The following CCDC196 variants were observed in gnomAD, a reference collection of about 807,000 sequenced individuals.
The protein encoded by CCDC196 is coiled-coil domain containing 196, also known as coiled-coil domain-containing protein 196.
At chr14:66,491,755 A>G (rs1460027816) in intron 7 of CCDC196, 70 bp downstream of exon 7, 4 of 413,000 alleles carry the variant, frequency 9.7e-6, no homozygotes. Flanking sequence ...TTTTAGCTGC[A>G]TATTGTGAAG....
Position 66,491,084 on chromosome 14 carries a change from A to T in CCDC196, c.493A>T (p.Lys165Ter), listed in dbSNP as rs1343253690. Residue 165 changes from lysine to a stop codon, truncating the protein, a stop_gained, in exon 6 of 10, where the codon AAA becomes TAA. Transcript: ENST00000636229. LOFTEE classifies it high-confidence loss of function. ...ESELEKSFAE[K>*]VKEIRKEKQQ... is the part of the protein sequence containing the mutation. ...TGAACTGGAGAAATCATTTGCAGAG[A>T]AAGTGAAGGAGATAAGGAAGGTAGT... 2.4e-6 allele frequency: 1 copy of T among 413,342 alleles called. No individual in the cohort carries two copies. Among genetic ancestry groups the T allele is most frequent in the African/African-American group, 2.1e-5 (1 of 48,624 alleles). The allele number at this position is 413,342 out of a possible 1,614,324, so 25.6% of individuals were successfully genotyped here.
chr14:66,496,291 C>A (rs528048416), intron 8 of CCDC196: 1 of 456,260 alleles, frequency 2.2e-6, no homozygotes, highest in Non-Finnish European at 4.4e-6. Flanking sequence ...AATTCCTCCT[C>A]CCACTGTCCG....
rs1353124105 is a variant in CCDC196 at position 66,486,538 on chromosome 14, G to T, written c.36G>T (p.Leu12=). Residue 12 remains leucine, a synonymous_variant, in exon 1 of 10, where the codon CTG becomes CTT. Coordinates refer to ENST00000636229, the MANE Select transcript of CCDC196 (RefSeq NM_001351576.1). ...GTGCAAACTCTTCAGGATCTTACCT[G>T]CCCTCAGAAATAAGGTGAGTCTTTG... ...TSGANSSGSY[L]PSEIRSSKID... is the part of the protein sequence containing the mutation. 6 of 412,864 alleles carry T rather than the reference G, an allele frequency of 1.5e-5. No homozygotes were observed. In the South Asian group the frequency reaches 7.6e-4, roughly 53 times the overall value. The allele number at this position is 412,864 out of a possible 1,614,324, so 25.6% of individuals were successfully genotyped here.
intron 2 of CCDC196, 115 bp downstream of exon 2, chr14:66,486,924 C>T: frequency 2.5e-6 from 1 of 404,056 alleles, no homozygotes; most frequent in Non-Finnish European, 4.5e-6. Flanking sequence ...AAGGTTTGGA[C>T]ATTCAGCTGT....
At chr14:66,494,292 C>G (rs924017318) in intron 8 of CCDC196, among the ~76,000 whole-genome samples, 1 of 152,092 alleles carries the variant, frequency 6.6e-6, no homozygotes, top group Non-Finnish European at 1.5e-5. Flanking sequence ...TTTGTTTGAG[C>G]CCAAGTGGAT....
intron 2 of CCDC196, among the ~76,000 whole-genome samples, 160 bp downstream of exon 2, chr14:66,486,969 T>C (rs1360187420): frequency 1.3e-5 from 2 of 152,076 alleles, no homozygotes; most frequent in Non-Finnish European, 2.9e-5. Context: ...CAAGTCAGGG[T>C]GACAACAAAT....
chr14:66,489,588 G>T (rs112568147), intron 4 of CCDC196, among the ~76,000 whole-genome samples: 65 of 151,984 alleles, frequency 4.3e-4, no homozygotes, highest in African/African-American at 1.3e-3. Context: ...TATTATTATT[G>T]TATTATTATT....
intron 4 of CCDC196, among the ~76,000 whole-genome samples, chr14:66,489,453 G>C (rs1194207294): frequency 6.6e-6 from 1 of 152,100 alleles, no homozygotes; most frequent in Non-Finnish European, 1.5e-5. Context: ...TCAGGTCTCA[G>C]CTTAAATGTC....
intron 4 of CCDC196, 71 bp downstream of exon 4, chr14:66,489,108 G>A (rs1045671501): frequency 9.7e-6 from 4 of 412,448 alleles, no homozygotes; most frequent in South Asian, 1.3e-4. Context: ...CTTTCCTCTG[G>A]CCCCCATCCT....
intron 4 of CCDC196, 50 bp from the exon 5 acceptor site, chr14:66,490,692 C>A (rs1246739946): frequency 2.5e-6 from 1 of 398,726 alleles, no homozygotes; most frequent in South Asian, 1.3e-4. Flanking sequence ...TTTCCACTTC[C>A]CTCTTTAATT....
At position 66,488,098 on chromosome 14, in the gene CCDC196, C is replaced by A. The variant is rs2057451404; in HGVS notation, c.204-62C>A. 2.7e-5 allele frequency: 11 copies of A among 411,148 alleles called. No individual in the cohort carries two copies. In the East Asian group the frequency reaches 3.9e-4, roughly 15 times the overall value. The allele number at this position is 411,148 out of a possible 1,614,324, so 25.5% of individuals were successfully genotyped here. On this transcript the variant is annotated intron_variant, in intron 2 of 9. Coordinates refer to ENST00000636229, the MANE Select transcript of CCDC196 (RefSeq NM_001351576.1). ...TGGTAGAGTACTTTCTGACTAGTTG[C>A]AGAACATCAGTATTACCCTTAAGGA...
At chr14:66,494,111 C>A (rs1344818680) in intron 8 of CCDC196, among the ~76,000 whole-genome samples, 2 of 152,166 alleles carry the variant, frequency 1.3e-5, no homozygotes, top group African/African-American at 4.8e-5. Context: ...CTTTTCTCTC[C>A]TTTCCTTTTA....
rs2057717741 is a variant in CCDC196, at chr14:66,498,475, G to T, written c.*3G>T. ...CAGATGAAGCACTGAAGAATTAGCA[G>T]GCTTTCGCTCCATTTGCTTTGGACA... On this transcript the variant is annotated 3_prime_UTR_variant, in exon 10 of 10. Transcript: ENST00000636229. 2.4e-6 allele frequency: 1 copy of T among 413,388 alleles called. No homozygotes were observed. The highest frequency in any genetic ancestry group is 4.4e-6 in the Non-Finnish European group (1 of 225,756). 25.6% of individuals were successfully genotyped at this position (413,388 alleles called of 1,614,324 possible).
At chr14:66,496,544 G>A (rs1303251384) in intron 8 of CCDC196, 5 of 351,678 alleles carry the variant, frequency 1.4e-5, no homozygotes, top group Admixed American at 7.3e-5. Context: ...CATTTGAAAG[G>A]ATTTACTTTT....
At chr14:66,489,717 G>C (rs185614512) in intron 4 of CCDC196, among the ~76,000 whole-genome samples, 1 of 152,240 alleles carries the variant, frequency 6.6e-6, no homozygotes, top group Admixed American at 6.5e-5. Context: ...ACATAGTAGA[G>C]AATCAATACA....
At position 66,486,750 on chromosome 14, in the gene CCDC196, A is replaced by G; in HGVS notation, c.144A>G (p.Glu48=). ...TGCTAGAGATGCTCAAACCTCTAGA[A>G]GATAAAAACAACCTCTTATTTCAAA... is the stretch of plus-strand genomic sequence containing the variant. ...QELLEMLKPL[E]DKNNLLFQKL... Residue 48 remains glutamate, a synonymous_variant, in exon 2 of 10, where the codon GAA becomes GAG. Coordinates refer to ENST00000636229, the MANE Select transcript of CCDC196 (RefSeq NM_001351576.1). The G allele has an allele frequency of 2.4e-6, 1 of 413,458 alleles. No homozygotes were observed. The highest frequency in any genetic ancestry group is 4.4e-5 in the Admixed American group (1 of 22,740). 25.6% of individuals were successfully genotyped at this position (413,458 alleles called of 1,614,324 possible).
At chr14:66,493,345 T>C (rs1403221525) in intron 8 of CCDC196, among the ~76,000 whole-genome samples, 2 of 152,200 alleles carry the variant, frequency 1.3e-5, no homozygotes, top group Non-Finnish European at 2.9e-5. Flanking sequence ...TTCTGAATTT[T>C]CCAGTAAAAA....
intron 2 of CCDC196, among the ~76,000 whole-genome samples, chr14:66,487,319 T>C (rs2139573701): frequency 6.6e-6 from 1 of 152,238 alleles, no homozygotes; most frequent in South Asian, 2.1e-4. Flanking sequence ...CTTTCTAGTC[T>C]CAGAACCTCT....
At position 66,492,140 on chromosome 14, in the gene CCDC196, T is replaced by G; in HGVS notation, c.661T>G (p.Leu221Val). The change falls in exon 8 of 10, where the codon TTG (leucine) becomes GTG (valine). Residue 221 changes from leucine (L) to valine (V), a missense_variant. By Grantham distance (32) the Leu-to-Val change is conservative. Coordinates refer to ENST00000636229, the MANE Select transcript of CCDC196 (RefSeq NM_001351576.1). Reference sequence around the variant, plus strand: ...CAATGACCTGAAATTATCACTGTATTTGCAGCAGAATTTTGAGCCAATGCA... The same window carrying G: ...CAATGACCTGAAATTATCACTGTATGTGCAGCAGAATTTTGAGCCAATGCA... The part of the protein sequence containing the change: ...KANDLKLSLY[L>V]QQNFEPMQAF... 1 of 413,826 alleles carries G rather than the reference T, an allele frequency of 2.4e-6. No homozygotes were observed. The highest frequency in any genetic ancestry group is 4.4e-6 in the Non-Finnish European group (1 of 226,210). 25.6% of individuals were successfully genotyped at this position (413,826 alleles called of 1,614,324 possible).
Sources: allele counts gnomAD v4.1 joint callset (sites outside exome capture counted in the v4.1 genomes callset), GRCh38; gene constraint gnomAD v4.1.1; transcripts MANE v1.5; gene names NCBI Gene and HGNC (gene_info 2026-07-23, HGNC 2026-07-21).